The following CRISPLD2 variants were observed in gnomAD, a reference collection of about 807,000 sequenced individuals.
CRISPLD2 encodes the protein cysteine rich secretory protein LCCL domain containing 2, also known as cysteine-rich secretory protein LCCL domain-containing 2.
CRISPLD2 carries 47 observed loss-of-function variants against 71.1 expected under a neutral mutation model. The ratio of observed to expected loss-of-function variants is 0.66; its 90% CI spans 0.52 to 0.84. CRISPLD2 has a LOEUF of 0.84. CRISPLD2 is among the 40% of genes least tolerant of loss of function. The pLI is 0.00. For synonymous variants in CRISPLD2, 317 were observed against 250.1 expected (o/e 1.27, Z -2.52); for missense variants, 830 against 651.1 (o/e 1.27, Z -2.99).
intron 14 of CRISPLD2, among the ~76,000 whole-genome samples, chr16:84,894,525 A>C (rs1337313494): frequency 6.6e-6 from 1 of 152,100 alleles, no homozygotes; most frequent in Non-Finnish European, 1.5e-5. Context: ...CCGGGAACAG[A>C]AGAGAGAAAA....
chr16:84,858,119 G>A (rs1213446125), intron 6 of CRISPLD2, among the ~76,000 whole-genome samples: 4 of 152,198 alleles, frequency 2.6e-5, no homozygotes, highest in African/African-American at 7.2e-5. Context: ...GGCCTCTGCT[G>A]TGATTCACCT....
intron 6 of CRISPLD2, among the ~76,000 whole-genome samples, chr16:84,859,738 A>G (rs1441709086): frequency 6.6e-6 from 1 of 152,214 alleles, no homozygotes; most frequent in Non-Finnish European, 1.5e-5. Context: ...TAATTAGCCA[A>G]TGACAGGACT....
At chr16:84,820,339 G>T (rs575549700) in intron 1 of CRISPLD2, among the ~76,000 whole-genome samples, 61 of 152,314 alleles carry the variant, frequency 4.0e-4, no homozygotes, top group African/African-American at 1.3e-3. Flanking sequence ...CATTTGTCCA[G>T]GACCTCGCAG....
chr16:84,868,966 G>C lies in CRISPLD2; in HGVS notation c.914+55G>C. 6.1e-6 allele frequency: 9 copies of C among 1,470,426 alleles called. No homozygotes were observed. In the South Asian group the frequency reaches 1.0e-4, roughly 16 times the overall value. 91.1% of individuals were successfully genotyped at this position (1,470,426 alleles called of 1,614,324 possible). A position where few individuals can be genotyped will look rare whatever the true frequency, so the allele number is the denominator to read the frequency against. On this transcript the variant is annotated intron_variant, in intron 8 of 14. Transcript: ENST00000262424. The stretch of plus-strand genomic sequence containing the variant: ...GTAGCCTCTGAGTCTGTGCTGGGCT[G>C]TCCTACCACTGTGGCCTCTGGGCCT...
At chr16:84,906,509 G>C (rs762684053) in intron 14 of CRISPLD2, 79 bp from the exon 15 acceptor site, 1 of 1,496,104 alleles carries the variant, frequency 6.7e-7, no homozygotes, top group East Asian at 2.3e-5. Flanking sequence ...AGGCACCCAG[G>C]TCTCCCTGCC....
intron 14 of CRISPLD2, among the ~76,000 whole-genome samples, chr16:84,898,783 T>C (rs921177157): frequency 2.0e-5 from 3 of 152,236 alleles, no homozygotes; most frequent in African/African-American, 7.2e-5. Flanking sequence ...AATGAGACTT[T>C]GCTGAGTTGA....
intron 4 of CRISPLD2, among the ~76,000 whole-genome samples, chr16:84,850,057 G>A (rs956156188): frequency 1.3e-5 from 2 of 151,160 alleles, no homozygotes; most frequent in Non-Finnish European, 2.9e-5. Context: ...TGACATTGTG[G>A]GGCATTTTCA....
intron 14 of CRISPLD2, among the ~76,000 whole-genome samples, chr16:84,905,514 C>T (rs953931797): frequency 4.6e-5 from 7 of 151,882 alleles, no homozygotes; most frequent in Non-Finnish European, 7.4e-5. Flanking sequence ...ATTCTCCTGC[C>T]TCAACCTTCA....
chr16:84,874,981 C>G (rs1381677727), intron 11 of CRISPLD2, among the ~76,000 whole-genome samples: 1 of 152,084 alleles, frequency 6.6e-6, no homozygotes, highest in Non-Finnish European at 1.5e-5. Flanking sequence ...CAGCTGACAC[C>G]TGTAATCTCA....
At chr16:84,904,384 G>T (rs1303523564) in intron 14 of CRISPLD2, among the ~76,000 whole-genome samples, 1 of 152,024 alleles carries the variant, frequency 6.6e-6, no homozygotes, top group Admixed American at 6.6e-5. Flanking sequence ...AGGAGTTCCA[G>T]AGCAGCCTGG....
chr16:84,891,938 C>G (rs898306382), intron 14 of CRISPLD2, among the ~76,000 whole-genome samples: 2 of 152,252 alleles, frequency 1.3e-5, no homozygotes, highest in Non-Finnish European at 2.9e-5. Context: ...ACACATGTCA[C>G]TGGTGCCTTC....
chr16:84,825,329 T>G (rs12934709), intron 1 of CRISPLD2, among the ~76,000 whole-genome samples: 91,827 of 151,892 alleles, frequency 0.6, 28,009 homozygotes, highest in Admixed American at 0.66. Flanking sequence ...TTGGGAGGTC[T>G]AGGCGGGAGG....
intron 13 of CRISPLD2, among the ~76,000 whole-genome samples, chr16:84,882,834 C>T (rs577676747): frequency 6.6e-6 from 1 of 152,354 alleles, no homozygotes; most frequent in East Asian, 1.9e-4. Flanking sequence ...CAAATCCACA[C>T]AGTGAGCACG....
chr16:84,868,941 G>T (rs879066816), intron 8 of CRISPLD2, 30 bp downstream of exon 8: 9 of 1,516,822 alleles, frequency 5.9e-6, no homozygotes, highest in Non-Finnish European at 8.1e-6. Context: ...TCCTGCCACT[G>T]TAGCCTCTGA....
chr16:84,898,313 G>T (rs533568539), intron 14 of CRISPLD2, among the ~76,000 whole-genome samples: 2 of 152,212 alleles, frequency 1.3e-5, no homozygotes, highest in Non-Finnish European at 2.9e-5. Flanking sequence ...ATTGTACTAA[G>T]AATCAAATCC....
intron 2 of CRISPLD2, among the ~76,000 whole-genome samples, chr16:84,841,237 T>C (rs1229674052): frequency 6.6e-6 from 1 of 152,188 alleles, no homozygotes; most frequent in Non-Finnish European, 1.5e-5. Flanking sequence ...AGTTAAGACC[T>C]GAAGAGTGAG....
rs548015251 is a variant in CRISPLD2 at position 84,862,149 on chromosome 16, C to A, written c.710-4748C>A. Among the ~76,000 whole-genome samples the A allele has an allele frequency of 6.4e-3, 978 of 152,136 alleles. 8 individuals carry two copies. The highest frequency in any genetic ancestry group is 9.8e-3 in the Non-Finnish European group (669 of 67,986). ...CCTGACTGTGCTAGAGGTTTCTCGC[C>A]CCCACTCCCACAGCTCTCAGAACTG... On this transcript the variant is annotated intron_variant, in intron 6 of 14. Coordinates refer to ENST00000262424, the MANE Select transcript of CRISPLD2 (RefSeq NM_031476.4).
At chr16:84,844,163 G>C (rs1916849042) in intron 2 of CRISPLD2, among the ~76,000 whole-genome samples, 1 of 152,222 alleles carries the variant, frequency 6.6e-6, no homozygotes, top group Admixed American at 6.5e-5. Context: ...AGAGGAGAAA[G>C]GACACGCTTG....
intron 1 of CRISPLD2, among the ~76,000 whole-genome samples, chr16:84,827,558 C>CTTTTTTTTTTTTTTTTTTTTT (rs571068599): frequency 1.5e-5 from 2 of 135,908 alleles, no homozygotes; most frequent in Admixed American, 7.3e-5. Context: ...AGTGCCCTTT[C>CTTTTTTTTTTTTTTTTTTTTT]TTTTTTTTTT....
Sources: allele counts gnomAD v4.1 joint callset (sites outside exome capture counted in the v4.1 genomes callset), GRCh38; gene constraint gnomAD v4.1.1; transcripts MANE v1.5; gene names NCBI Gene and HGNC (gene_info 2026-07-23, HGNC 2026-07-21).